The following PLEKHA5 variants were observed in gnomAD, a reference collection of about 807,000 sequenced individuals.
The protein encoded by PLEKHA5 is pleckstrin homology domain containing A5, also known as pleckstrin homology domain-containing family A member 5.
PLEKHA5 carries 55 observed loss-of-function variants against 181.9 expected under a neutral mutation model. The observed-to-expected ratio is 0.30, with a 90% CI of 0.24 to 0.38. The LOEUF is 0.38. Among genes scored for constraint, PLEKHA5 ranks in the 10% least tolerant of loss-of-function variants. The probability of loss-of-function intolerance (pLI) is 1.00; values close to 1 mark genes in which losing one functional copy is unlikely to be tolerated. For synonymous variants in PLEKHA5, 535 were observed against 529.4 expected (o/e 1.01, Z -0.15); for missense variants, 1,432 against 1,549.5 (o/e 0.92, Z 1.27).
intron 11 of PLEKHA5, among the ~76,000 whole-genome samples, chr12:19,282,579 G>A (rs543284457): frequency 1.3e-5 from 2 of 152,054 alleles, no homozygotes; most frequent in South Asian, 4.2e-4. Context: ...ATGCTCTATG[G>A]GTATAACTCA....
chr12:19,147,566 T>A (rs2039230719), intron 3 of PLEKHA5, among the ~76,000 whole-genome samples: 1 of 150,456 alleles, frequency 6.6e-6, no homozygotes, highest in African/African-American at 2.4e-5. Flanking sequence ...TTGCTGCTGT[T>A]TGAAAAAGAT....
intron 12 of PLEKHA5, among the ~76,000 whole-genome samples, chr12:19,284,512 A>C (rs916628898): frequency 6.6e-6 from 1 of 152,248 alleles, no homozygotes; most frequent in Non-Finnish European, 1.5e-5. Flanking sequence ...ACCAATGAAT[A>C]TATGGCATAT....
intron 16 of PLEKHA5, among the ~76,000 whole-genome samples, chr12:19,318,277 C>T (rs1442378573): frequency 6.6e-6 from 1 of 151,522 alleles, no homozygotes; most frequent in Non-Finnish European, 1.5e-5. Context: ...TTCGGTGGTA[C>T]TAAAAGTAGA....
chr12:19,132,291 TAATTA>T (rs1413763458), intron 2 of PLEKHA5, 97 bp from the exon 3 acceptor site: 4 of 697,602 alleles, frequency 5.7e-6, no homozygotes, highest in South Asian at 3.3e-5. Context: ...GTAATCTACT[TAATTA>T]AAACAGCTAA....
At chr12:19,323,187 A>C (rs1190195918) in intron 20 of PLEKHA5, among the ~76,000 whole-genome samples, 1 of 151,950 alleles carries the variant, frequency 6.6e-6, no homozygotes, top group East Asian at 1.9e-4. Context: ...TTGTGAAATG[A>C]GTGTTTTACA....
At chr12:19,236,021 A>G (rs2061358578) in intron 3 of PLEKHA5, among the ~76,000 whole-genome samples, 1 of 152,200 alleles carries the variant, frequency 6.6e-6, no homozygotes, top group Non-Finnish European at 1.5e-5. Context: ...GAAAAGCACA[A>G]AGATATCTGA....
At chr12:19,260,091 T>G (rs1283749928) in intron 6 of PLEKHA5, among the ~76,000 whole-genome samples, 1 of 152,148 alleles carries the variant, frequency 6.6e-6, no homozygotes. Context: ...TGAACTAAAT[T>G]ACTTAGAAAT....
chr12:19,283,809 A>T, intron 12 of PLEKHA5, 64 bp downstream of exon 12: 1 of 1,004,516 alleles, frequency 1.0e-6, no homozygotes, highest in Non-Finnish European at 1.5e-6. Flanking sequence ...TCTTTCTAGT[A>T]TACTATTTTA....
chr12:19,176,527 A>G (rs750533832), intron 3 of PLEKHA5: 2 of 152,110 alleles, frequency 1.3e-5, no homozygotes, highest in Admixed American at 6.6e-5. Context: ...TTTGGACTCA[A>G]GCAGTCCTCC....
Position 19,255,055 on chromosome 12 carries a change from A to G in PLEKHA5, c.322A>G (p.Thr108Ala), listed in dbSNP as rs760335251. The part of the protein sequence containing the change: ...IFVVNEQTVA[T>A]MTSEEKKERP... ...GACATATATTTTCAGGACTGTTGCA[A>G]CCATGACATCTGAAGAAAAGAAGGA... Residue 108 changes from threonine (T) to alanine (A), a missense_variant, in exon 5 of 32, where the codon ACC (threonine) becomes GCC (alanine). Transcript: ENST00000429027. 1.2e-6 allele frequency: 2 copies of G among 1,605,160 alleles called. No individual in the cohort carries two copies. The highest frequency in any genetic ancestry group is 2.7e-5 in the African/African-American group (2 of 74,790).
intron 20 of PLEKHA5, among the ~76,000 whole-genome samples, chr12:19,327,647 T>C (rs900234311): frequency 2.7e-5 from 4 of 149,192 alleles, no homozygotes; most frequent in African/African-American, 9.8e-5. Flanking sequence ...CTTTTTTCTT[T>C]TTTTTTTTTT....
At chr12:19,174,096 A>G (rs1422255236) in intron 3 of PLEKHA5, among the ~76,000 whole-genome samples, 1 of 152,254 alleles carries the variant, frequency 6.6e-6, no homozygotes, top group South Asian at 2.1e-4. Flanking sequence ...TAATAATATC[A>G]TGAGTAGAAC....
chr12:19,366,828 A>G (rs1209543362), intron 30 of PLEKHA5, among the ~76,000 whole-genome samples: 2 of 152,058 alleles, frequency 1.3e-5, no homozygotes, highest in Non-Finnish European at 2.9e-5. Context: ...TGTTCCTTCA[A>G]TTGTAGAAAA....
chr12:19,249,882 C>A (rs1018162445), intron 3 of PLEKHA5, among the ~76,000 whole-genome samples: 1 of 152,170 alleles, frequency 6.6e-6, no homozygotes, highest in Non-Finnish European at 1.5e-5. Context: ...GTAAATATTG[C>A]TTTTCTTATT....
At chr12:19,262,770 G>A (rs143637126) in intron 7 of PLEKHA5, among the ~76,000 whole-genome samples, 1,910 of 152,250 alleles carry the variant, frequency 0.013, 20 homozygotes, top group Non-Finnish European at 0.02. Context: ...TACCAACTGG[G>A]TACTGTGCTA....
intron 21 of PLEKHA5, among the ~76,000 whole-genome samples, chr12:19,339,924 G>T (rs777529723): frequency 9.2e-5 from 14 of 152,032 alleles, no homozygotes; most frequent in Non-Finnish European, 1.8e-4. Context: ...AATAAACAAG[G>T]AAACATAATG....
intron 29 of PLEKHA5, among the ~76,000 whole-genome samples, chr12:19,362,480 G>A (rs972131192): frequency 6.6e-6 from 1 of 151,230 alleles, no homozygotes; most frequent in Non-Finnish European, 1.5e-5. Flanking sequence ...GTTGCAGTGA[G>A]CCAAGATCAC....
intron 3 of PLEKHA5, among the ~76,000 whole-genome samples, chr12:19,229,909 A>G (rs984473851): frequency 1.3e-5 from 2 of 152,148 alleles, no homozygotes; most frequent in East Asian, 1.9e-4. Flanking sequence ...TGATTGGTGC[A>G]TTTACAAACC....
intron 20 of PLEKHA5, among the ~76,000 whole-genome samples, chr12:19,327,035 A>G (rs2092222867): frequency 6.6e-6 from 1 of 152,184 alleles, no homozygotes; most frequent in Non-Finnish European, 1.5e-5. Context: ...ATGCAAGTGC[A>G]TGTGTATGTT....
Sources: allele counts gnomAD v4.1 joint callset (sites outside exome capture counted in the v4.1 genomes callset), GRCh38; gene constraint gnomAD v4.1.1; transcripts MANE v1.5; gene names NCBI Gene and HGNC (gene_info 2026-07-23, HGNC 2026-07-21).